KIF13B: variants seen among roughly 807,000 people sequenced by gnomAD.
The protein encoded by KIF13B is kinesin family member 13B.
KIF13B carries 127 observed loss-of-function variants against 222.0 expected under a neutral mutation model. The observed-to-expected ratio is 0.57, with a 90% confidence interval of 0.50 to 0.66. The LOEUF (loss-of-function observed/expected upper bound fraction) is 0.66. Among genes scored for constraint, KIF13B ranks in the 30% least tolerant of loss-of-function variants. The probability of loss-of-function intolerance (pLI) is 0.00; values close to 1 mark genes in which losing one functional copy is unlikely to be tolerated. For missense variants in KIF13B, 2,173 were observed against 2,379.0 expected (o/e 0.91, Z 1.80); for synonymous variants, 976 against 919.0 (o/e 1.06, Z -1.12).
chr8:29,171,034 C>T (rs139158698), intron 10 of KIF13B, among the ~76,000 whole-genome samples: 42 of 152,284 alleles, frequency 2.8e-4, no homozygotes, highest in African/African-American at 9.4e-4. Flanking sequence ...GGAGAAAGGA[C>T]TGGACTAAGA....
At chr8:29,141,926 T>C (rs142525186) in intron 19 of KIF13B, among the ~76,000 whole-genome samples, 1 of 152,196 alleles carries the variant, frequency 6.6e-6, no homozygotes, top group African/African-American at 2.4e-5. Context: ...AGTGGAGAAT[T>C]CTGCTAGAAA....
At chr8:29,093,001 A>T (rs1436624442) in intron 36 of KIF13B, 123 bp from the exon 37 acceptor site, 3 of 847,386 alleles carry the variant, frequency 3.5e-6, no homozygotes, top group Non-Finnish European at 5.3e-6. Flanking sequence ...TCCTTAAAAA[A>T]TATTAGAGAA....
At chr8:29,211,434 T>C (rs1328976113) in intron 2 of KIF13B, among the ~76,000 whole-genome samples, 3 of 14,256 alleles carry the variant, frequency 2.1e-4, no homozygotes, top group Non-Finnish European at 8.0e-4. Flanking sequence ...TGCCTATAGA[T>C]ACTTTCCTGG....
chr8:29,097,625 T>C (rs1392559285), intron 36 of KIF13B, among the ~76,000 whole-genome samples: 1 of 152,084 alleles, frequency 6.6e-6, no homozygotes, highest in Non-Finnish European at 1.5e-5. Context: ...TGATAAGTCA[T>C]GGATCAAAGA....
chr8:29,100,357 T>C (rs1315334168), intron 35 of KIF13B, among the ~76,000 whole-genome samples: 8 of 152,228 alleles, frequency 5.3e-5, no homozygotes, highest in Non-Finnish European at 1.2e-4. Flanking sequence ...ATGCTTTAAG[T>C]TCCCTTTGAT....
At chr8:29,101,852 T>C (rs1300325207) in intron 35 of KIF13B, among the ~76,000 whole-genome samples, 1 of 152,084 alleles carries the variant, frequency 6.6e-6, no homozygotes, top group Admixed American at 6.5e-5. Flanking sequence ...TACCACGCGC[T>C]TCCCTCCTCC....
intron 10 of KIF13B, 126 bp from the exon 11 acceptor site, chr8:29,167,711 G>C: frequency 1.4e-6 from 1 of 735,150 alleles, no homozygotes. Flanking sequence ...CAGAGCCAGG[G>C]CTAAAATGCA....
intron 38 of KIF13B, among the ~76,000 whole-genome samples, chr8:29,073,104 C>T (rs146231680): frequency 0.039 from 2,765 of 71,692 alleles, 222 homozygotes; most frequent in African/African-American, 0.15. Context: ...AGGAGGGGGA[C>T]GAGGAGGGGG....
intron 37 of KIF13B, among the ~76,000 whole-genome samples, chr8:29,089,648 C>T (rs2133537330): frequency 6.6e-6 from 1 of 152,160 alleles, no homozygotes; most frequent in South Asian, 2.1e-4. Flanking sequence ...AATCCCAGCA[C>T]TTTGGGAGGC....
chr8:29,224,758 G>A (rs1350017450), intron 2 of KIF13B, among the ~76,000 whole-genome samples: 1 of 152,042 alleles, frequency 6.6e-6, no homozygotes, highest in East Asian at 1.9e-4. Context: ...CCACCCTGGA[G>A]TGTGTACGCG....
chr8:29,143,700 G>C (rs1475083601), intron 18 of KIF13B, among the ~76,000 whole-genome samples: 1 of 152,054 alleles, frequency 6.6e-6, no homozygotes, highest in Non-Finnish European at 1.5e-5. Context: ...ACAAAAATTA[G>C]CCAGGCATGG....
rs1378202439 is a variant in KIF13B, at chr8:29,191,038, C to A, written c.182G>T (p.Cys61Phe). ...GACAGATTCATCCATAGACCAGAAA[C>A]AATGATCATAAGCAAACACCTGTTG... The part of the protein sequence containing the change: ...GQPKVFAYDH[C>F]FWSMDESVKE... The change falls in exon 4 of 40, where the codon TGT becomes TTT. Residue 61 changes from cysteine (C) to phenylalanine (F), a missense_variant. Cys to Phe is a radical substitution (Grantham distance 205). This residue lies in a region of KIF13B where 1,480 missense variants were observed against 1,722.8 expected (regional missense o/e 0.86). Transcript: ENST00000524189. 6.2e-7 allele frequency: 1 copy of A among 1,611,478 alleles called. No individual in the cohort carries two copies.
intron 10 of KIF13B, among the ~76,000 whole-genome samples, chr8:29,168,837 G>T (rs1187447392): frequency 6.6e-6 from 1 of 152,214 alleles, no homozygotes; most frequent in South Asian, 2.1e-4. Flanking sequence ...GAAACCCTGA[G>T]ACAATAAATG....
In KIF13B at chr8:29,188,552, A is replaced by T. The variant is rs761606086; in HGVS notation, c.279T>A (p.Asp93Glu). 6 of 1,612,312 alleles carry T rather than the reference A, an allele frequency of 3.7e-6. No individual in the cohort carries two copies. The South Asian group carries it at 6.6e-5, about 18-fold the overall frequency. ...AGGCAAAGATACATGCATTGTAGCC[A>T]TCAAAAGCATTCTGCAGGATATTCT... The part of the protein sequence containing the change: ...LGENILQNAF[D>E]GYNACIFAYG... Residue 93 changes from aspartate to glutamate, a missense_variant, in exon 5 of 40, where the codon GAT (aspartate) becomes GAA (glutamate). Physicochemically the swap from Asp to Glu is conservative, Grantham distance 45. Around this residue, in one of 2 missense-constraint regions of KIF13B, gnomAD observed 1,480 missense variants for 1,722.8 expected, o/e 0.86. Transcript: ENST00000524189.
At chr8:29,154,155 A>C (rs2130052344) in intron 14 of KIF13B, among the ~76,000 whole-genome samples, 1 of 152,254 alleles carries the variant, frequency 6.6e-6, no homozygotes, top group African/African-American at 2.4e-5. Flanking sequence ...TACAAAACTA[A>C]GTTTTTAAAA....
At chr8:29,107,252 G>T (rs1809114842) in intron 35 of KIF13B, among the ~76,000 whole-genome samples, 1 of 152,054 alleles carries the variant, frequency 6.6e-6, no homozygotes, top group African/African-American at 2.4e-5. Context: ...TTTGGGCCAG[G>T]TGCAGTGGCT....
intron 3 of KIF13B, 63 bp from the exon 4 acceptor site, chr8:29,191,120 G>T: frequency 8.2e-7 from 1 of 1,226,036 alleles, no homozygotes; most frequent in Non-Finnish European, 1.2e-6. Context: ...AACCATAACT[G>T]ATAGAACTGT....
At position 29,167,397 on chromosome 8, in the gene KIF13B, G is replaced by A; in HGVS notation, c.1134C>T (p.Leu378=). 1.9e-6 allele frequency: 3 copies of A among 1,612,926 alleles called. No individual in the cohort carries two copies. The highest frequency in any genetic ancestry group is 2.5e-6 in the Non-Finnish European group (3 of 1,179,800). ...CCTCTGCTTTGGTCAGCTGCTCCCG[G>A]AGTTTCTCAACTTCTTCCCGGAGAT... ...IRDLREEVEK[L]REQLTKAEAM... is the part of the protein sequence containing the mutation. Residue 378 remains leucine (L), a synonymous_variant, in exon 11 of 40, where the codon CTC becomes CTT. Transcript: ENST00000524189.
chr8:29,234,665 T>G (rs1815428542), intron 2 of KIF13B, among the ~76,000 whole-genome samples: 1 of 142,980 alleles, frequency 7.0e-6, no homozygotes, highest in Non-Finnish European at 1.5e-5. Flanking sequence ...AATTTTCTTG[T>G]GAGCATTTTA....
Sources: gnomAD v4.1 joint callset for allele counts (sites outside exome capture counted in the v4.1 genomes callset) on GRCh38, gnomAD v4.1.1 for gene constraint, gnomAD v4.1.1 regional missense constraint, MANE v1.5 for transcripts, NCBI Gene and HGNC (gene_info 2026-07-23, HGNC 2026-07-21) for gene names.